Variants in FAM83B observed in about 807,000 individuals in gnomAD.
The protein encoded by FAM83B is protein FAM83B.
Under a neutral mutation model 38.8 loss-of-function variants are expected in FAM83B, and 26 were observed. The ratio of observed to expected loss-of-function variants is 0.67; its 90% CI spans 0.49 to 0.93. The LOEUF is 0.93. FAM83B is among the 40% of genes least tolerant of loss of function. FAM83B has a pLI of 0.00. For missense variants in FAM83B, 1,237 were observed against 1,197.3 expected, an observed-to-expected ratio of 1.03 and a Z score of -0.49; for synonymous variants, 419 against 423.1, an observed-to-expected ratio of 0.99 and a Z score of 0.12.
chr6:54,941,709 C>T lies in FAM83B; in HGVS notation c.2738C>T (p.Thr913Ile), dbSNP rs779519778. The change falls in exon 5 of 5, where the codon ACT becomes ATT. Residue 913 changes from threonine (T) to isoleucine (I), a missense_variant. Physicochemically the swap from Thr to Ile is moderately conservative, Grantham distance 89. Transcript: ENST00000306858. ...NAVVTPERRP[T>I]SSPRPTSSEL... The stretch of plus-strand genomic sequence containing the variant: ...GTTGTTACCCCTGAAAGAAGACCTA[C>T]TTCTTCTCCAAGGCCAACGTCCAGT... The T allele has an allele frequency of 1.2e-6, 2 of 1,613,976 alleles. No homozygotes were observed. The highest frequency in any genetic ancestry group is 2.2e-5 in the East Asian group (1 of 44,890).
intron 2 of FAM83B, among the ~76,000 whole-genome samples, chr6:54,889,973 A>G (rs974172680): frequency 1.3e-5 from 2 of 152,070 alleles, no homozygotes; most frequent in Non-Finnish European, 2.9e-5. Context: ...TAAGTTTTAC[A>G]TTTTAACCAT....
At chr6:54,878,881 G>A (rs1772060206) in intron 2 of FAM83B, among the ~76,000 whole-genome samples, 1 of 152,180 alleles carries the variant, frequency 6.6e-6, no homozygotes, top group Admixed American at 6.5e-5. Flanking sequence ...TCAGGTGTGG[G>A]GTGATGGTAT....
intron 2 of FAM83B, among the ~76,000 whole-genome samples, chr6:54,893,116 G>A (rs1351835322): frequency 6.6e-6 from 1 of 152,092 alleles, no homozygotes; most frequent in African/African-American, 2.4e-5. Context: ...TGATTCACAA[G>A]TGACTCTGAA....
intron 1 of FAM83B, among the ~76,000 whole-genome samples, chr6:54,863,477 A>G (rs1368272917): frequency 6.6e-6 from 1 of 151,666 alleles, no homozygotes; most frequent in Admixed American, 6.6e-5. Context: ...ACATGACTGA[A>G]GTTTTACAAC....
Position 54,940,193 on chromosome 6 carries a change from A to G in FAM83B, c.1222A>G (p.Arg408Gly), listed in dbSNP as rs1293786413. 6.2e-7 allele frequency: 1 copy of G among 1,614,102 alleles called. No individual in the cohort carries two copies. The highest frequency in any genetic ancestry group is 8.5e-7 in the Non-Finnish European group (1 of 1,179,994). The change falls in exon 5 of 5, where the codon AGA becomes GGA. Residue 408 changes from arginine to glycine, a missense_variant. Transcript: ENST00000306858. ...CCTCCTGCTTAATAGGGCTCTGAAT[A>G]GAACCAATAATCCACCTGGTAATTG... ...PYLLLNRALN[R>G]TNNPPGNWKK...
At position 54,940,028 on chromosome 6, in the gene FAM83B, A is replaced by T; in HGVS notation, c.1057A>T (p.Ile353Leu). ...TTTAAATGAACATGACAAATATAACATAAGAAGTCACGGATACAAACCTCA... is the reference window on the plus strand; with the variant it reads ...TTTAAATGAACATGACAAATATAACTTAAGAAGTCACGGATACAAACCTCA... ...YTLNEHDKYN[I>L]RSHGYKPHFV... Residue 353 changes from isoleucine (I) to leucine (L), a missense_variant, in exon 5 of 5, where the codon ATA becomes TTA. Transcript: ENST00000306858. 1.2e-6 allele frequency: 2 copies of T among 1,614,040 alleles called. No homozygotes were observed. Among genetic ancestry groups the T allele is most frequent in the Non-Finnish European group, 1.7e-6 (2 of 1,179,978 alleles).
chr6:54,890,228 T>A (rs1216712264), intron 2 of FAM83B, among the ~76,000 whole-genome samples: 1 of 99,704 alleles, frequency 1.0e-5, no homozygotes, highest in Non-Finnish European at 1.8e-5. Flanking sequence ...AATGTTTTAT[T>A]GAACCAAGTA....
At chr6:54,890,847 C>T (rs1772385580) in intron 2 of FAM83B, among the ~76,000 whole-genome samples, 1 of 151,828 alleles carries the variant, frequency 6.6e-6, no homozygotes, top group African/African-American at 2.4e-5. Flanking sequence ...TCAACAAATC[C>T]CTGTGTTTAA....
At chr6:54,931,822 G>A (rs1773424859) in intron 4 of FAM83B, among the ~76,000 whole-genome samples, 1 of 151,684 alleles carries the variant, frequency 6.6e-6, no homozygotes, top group Non-Finnish European at 1.5e-5. Flanking sequence ...GATGGAGAAG[G>A]ACTTACTATT....
At chr6:54,869,953 TA>T (rs1191193301) in intron 1 of FAM83B, among the ~76,000 whole-genome samples, 1 of 152,162 alleles carries the variant, frequency 6.6e-6, no homozygotes, top group African/African-American at 2.4e-5. Flanking sequence ...TAAATTGAGA[TA>T]CCTTGGAAAA....
At chr6:54,858,443 G>T (rs150239296) in intron 1 of FAM83B, among the ~76,000 whole-genome samples, 2 of 152,250 alleles carry the variant, frequency 1.3e-5, no homozygotes, top group African/African-American at 4.8e-5. Context: ...ACACTGTTCT[G>T]TTATATCAAG....
intron 1 of FAM83B, among the ~76,000 whole-genome samples, chr6:54,865,958 T>G (rs1771690332): frequency 9.9e-6 from 1 of 101,156 alleles, no homozygotes; most frequent in Non-Finnish European, 1.9e-5. Flanking sequence ...TGTGAACATG[T>G]AAAATAGTCA....
chr6:54,942,912 TTTTC>T lies in FAM83B; in HGVS notation c.*909_*912del, dbSNP rs1773737160. 6.6e-6 allele frequency among the ~76,000 whole-genome samples: 1 copy of T among 151,902 alleles called. No homozygotes were observed. Among genetic ancestry groups the T allele is most frequent in the African/African-American group, 2.4e-5 (1 of 41,296 alleles). ...TTGCGAAAATTCTTGCTCTTTTTTT[TTTTC>T]TTTTGAGATGGAGTCTCGCTCTGTC... On this transcript the variant is annotated 3_prime_UTR_variant, in exon 5 of 5. Transcript: ENST00000306858.
chr6:54,897,867 G>T (rs944165298), intron 2 of FAM83B, among the ~76,000 whole-genome samples: 6 of 152,024 alleles, frequency 3.9e-5, no homozygotes, highest in Non-Finnish European at 8.8e-5. Context: ...AGGAAATTTG[G>T]TGTTATAATT....
chr6:54,887,442 A>G (rs9475057), intron 2 of FAM83B, among the ~76,000 whole-genome samples: 4,453 of 152,226 alleles, frequency 0.029, 223 homozygotes, highest in African/African-American at 0.1. Flanking sequence ...TCTATTATAT[A>G]TTCAATAGCT....
chr6:54,901,936 G>A (rs1772669532), intron 2 of FAM83B, among the ~76,000 whole-genome samples: 1 of 151,878 alleles, frequency 6.6e-6, no homozygotes, highest in South Asian at 2.1e-4. Context: ...CCCATCCGTG[G>A]TCCCTCTTAC....
At position 54,941,873 on chromosome 6, in the gene FAM83B, A is replaced by G. The variant is rs752031508; in HGVS notation, c.2902A>G (p.Met968Val). Reference sequence around the variant, plus strand: ...TCGCCCAGAAATAAAATCTGCGACTATGGGCAACAGTTATGGCAGGTCTAG... The same window carrying G: ...TCGCCCAGAAATAAAATCTGCGACTGTGGGCAACAGTTATGGCAGGTCTAG... The part of the protein sequence containing the change: ...INRPEIKSAT[M>V]GNSYGRSSPL... The change falls in exon 5 of 5, where the codon ATG becomes GTG. Residue 968 changes from methionine (M) to valine (V), a missense_variant. Transcript: ENST00000306858. 23 of 1,614,012 alleles carry G rather than the reference A, an allele frequency of 1.4e-5. No homozygotes were observed. In the Admixed American group the frequency reaches 2.2e-4, roughly 15 times the overall value.
At chr6:54,851,097 T>C (rs1305393801) in intron 1 of FAM83B, among the ~76,000 whole-genome samples, 1 of 151,610 alleles carries the variant, frequency 6.6e-6, no homozygotes, top group Non-Finnish European at 1.5e-5. Context: ...GAGTGCAATA[T>C]AGCTAAGTTG....
At chr6:54,878,760 A>G (rs112161003) in intron 2 of FAM83B, among the ~76,000 whole-genome samples, 98 of 152,312 alleles carry the variant, frequency 6.4e-4, no homozygotes, top group African/African-American at 1.2e-3. Context: ...TGAGCAAAAG[A>G]GAGACATCAA....
Sources: gnomAD v4.1 joint callset for allele counts (sites outside exome capture counted in the v4.1 genomes callset) on GRCh38, gnomAD v4.1.1 for gene constraint, MANE v1.5 for transcripts, NCBI Gene and HGNC (gene_info 2026-07-23, HGNC 2026-07-21) for gene names.